The following LARP1B variants were observed in gnomAD, a reference collection of about 807,000 sequenced individuals.
The protein encoded by LARP1B is la-related protein 1B.
A neutral mutation model predicts 114.2 loss-of-function variants in LARP1B; 76 were observed. The observed-to-expected ratio is 0.67, with a 90% CI of 0.55 to 0.81. LARP1B has a LOEUF of 0.81. Ranked by LOEUF, LARP1B falls within the 30% of genes least tolerant of loss-of-function variation. The probability of loss-of-function intolerance (pLI) is 0.00; values close to 1 mark genes in which losing one functional copy is unlikely to be tolerated. For missense variants in LARP1B, 1,014 were observed against 1,075.8 expected, an observed-to-expected ratio of 0.94 and a Z score of 0.80; for synonymous variants, 345 against 348.0, an observed-to-expected ratio of 0.99 and a Z score of 0.10.
intron 7 of LARP1B, 151 bp from the exon 8 acceptor site, chr4:128,098,035 A>C: frequency 1.8e-6 from 1 of 547,310 alleles, no homozygotes. Flanking sequence ...TTATATGTTT[A>C]CCCTATCTGT....
intron 12 of LARP1B, among the ~76,000 whole-genome samples, chr4:128,165,685 C>T (rs1022087884): frequency 6.6e-6 from 1 of 152,054 alleles, no homozygotes; most frequent in African/African-American, 2.4e-5. Flanking sequence ...TCCTCCACAT[C>T]CCAAATCAGC....
Position 128,180,116 on chromosome 4 carries a change from C to CT in LARP1B, c.2003+611dup, listed in dbSNP as rs1249703365. Among the ~76,000 whole-genome samples, 12 of 152,078 alleles carry CT rather than the reference C, an allele frequency of 7.9e-5. No individual in the cohort carries two copies. In the East Asian group the frequency reaches 1.7e-3, roughly 22 times the overall value. On this transcript the variant is annotated intron_variant, in intron 15 of 19. Transcript: ENST00000326639. Reference sequence around the variant, plus strand: ...ATTTATTGCTCGTTGCTTTGTGATGCTTTTTTTAAAATAAAAATAGAGACA... The same window carrying CT: ...ATTTATTGCTCGTTGCTTTGTGATGCTTTTTTTTAAAATAAAAATAGAGACA...
At position 128,176,908 on chromosome 4, in the gene LARP1B, G is replaced by T; in HGVS notation, c.1684+1G>T. 1 of 1,613,682 alleles carries T rather than the reference G, an allele frequency of 6.2e-7. No individual in the cohort carries two copies. Among genetic ancestry groups the T allele is most frequent in the African/African-American group, 1.3e-5 (1 of 75,040 alleles). ...GGAGTGCTTCACATTCCCAAGAAAG[G>T]TAACATCTGTGGTGGGTATTAAAGG... is the stretch of plus-strand genomic sequence containing the variant. On this transcript the variant is annotated splice_donor_variant, in intron 13 of 19. Coordinates refer to ENST00000326639, the MANE Select transcript of LARP1B (RefSeq NM_018078.4). LOFTEE classifies it high-confidence loss of function.
chr4:128,192,808 C>T (rs544234430), intron 15 of LARP1B, among the ~76,000 whole-genome samples: 14 of 151,832 alleles, frequency 9.2e-5, no homozygotes, highest in Admixed American at 3.3e-4. Flanking sequence ...CATTATTTCT[C>T]CCCATTTCTC....
intron 1 of LARP1B, among the ~76,000 whole-genome samples, chr4:128,073,188 C>A (rs1021639349): frequency 6.6e-6 from 1 of 151,776 alleles, no homozygotes; most frequent in Non-Finnish European, 1.5e-5. Flanking sequence ...CCGAGGTGGG[C>A]GGATTACTTG....
chr4:128,183,755 A>C (rs1197341958), intron 15 of LARP1B, among the ~76,000 whole-genome samples: 2 of 152,238 alleles, frequency 1.3e-5, no homozygotes, highest in Admixed American at 6.5e-5. Context: ...AGTAAATTGA[A>C]AACATTCTGG....
intron 11 of LARP1B, chr4:128,155,964 G>A (rs752880460): frequency 4.5e-5 from 69 of 1,533,452 alleles, no homozygotes; most frequent in Non-Finnish European, 5.7e-5. Context: ...CCAGCAGCCC[G>A]CCAGCCCCCT....
intron 12 of LARP1B, among the ~76,000 whole-genome samples, chr4:128,167,001 CACAT>C (rs1278112640): frequency 6.8e-6 from 1 of 147,416 alleles, no homozygotes; most frequent in Non-Finnish European, 1.5e-5. Flanking sequence ...TATACACACA[CACAT>C]ATATATACAT....
At chr4:128,134,965 G>T (rs1792801772) in intron 11 of LARP1B, among the ~76,000 whole-genome samples, 1 of 151,988 alleles carries the variant, frequency 6.6e-6, no homozygotes, top group Non-Finnish European at 1.5e-5. Flanking sequence ...AATTAGGGTT[G>T]GTGGTGCATG....
Position 128,178,035 on chromosome 4 carries a change from G to GATATATATATATAT in LARP1B, c.1685-384_1685-371dup, listed in dbSNP as rs35878913. ...AAAACATGAAAAAAGTTTACAAAGT[G>GATATATATATATAT]ATATATATATATATATATATATATA... On this transcript the variant is annotated intron_variant, in intron 13 of 19. Transcript: ENST00000326639. Among the ~76,000 whole-genome samples, 584 of 137,752 alleles carry GATATATATATATAT rather than the reference G, an allele frequency of 4.2e-3. 4 individuals carry two copies. The highest frequency in any genetic ancestry group is 0.02 in the East Asian group (90 of 4,530). The allele number at this position is 137,752 out of a possible 152,430, so 90.4% of individuals were successfully genotyped here.
At chr4:128,090,759 T>A (rs1340720431) in intron 5 of LARP1B, among the ~76,000 whole-genome samples, 2 of 152,202 alleles carry the variant, frequency 1.3e-5, no homozygotes, top group African/African-American at 4.8e-5. Flanking sequence ...CTTTCTAGTA[T>A]GTTATTTTAC....
chr4:128,118,831 C>T (rs1786895953), intron 10 of LARP1B, among the ~76,000 whole-genome samples: 1 of 147,384 alleles, frequency 6.8e-6, no homozygotes, highest in Middle Eastern at 3.5e-3. Flanking sequence ...TTGATCTAAT[C>T]TGCTCATCTA....
chr4:128,066,165 C>CTTTTTTTTTTTTTTTTT (rs59927866), intron 1 of LARP1B, among the ~76,000 whole-genome samples: 6 of 99,172 alleles, frequency 6.1e-5, no homozygotes, highest in African/African-American at 7.7e-5. Context: ...TTTCTTTCTT[C>CTTTTTTTTTTTTTTTTT]TTTTTTTTTT....
intron 15 of LARP1B, among the ~76,000 whole-genome samples, chr4:128,188,043 C>T (rs1014295671): frequency 6.6e-6 from 1 of 152,000 alleles, no homozygotes; most frequent in Non-Finnish European, 1.5e-5. Context: ...GCCAATTAAA[C>T]CTCTTTCCTC....
At chr4:128,189,697 T>C (rs1397204527) in intron 15 of LARP1B, among the ~76,000 whole-genome samples, 1 of 152,188 alleles carries the variant, frequency 6.6e-6, no homozygotes, top group East Asian at 1.9e-4. Context: ...CTATCATAAG[T>C]CTTTGCTTTG....
chr4:128,110,732 T>A (rs1173818954), intron 9 of LARP1B, among the ~76,000 whole-genome samples: 1 of 147,146 alleles, frequency 6.8e-6, no homozygotes, highest in Non-Finnish European at 1.5e-5. Context: ...GTAAATTAAT[T>A]ATGAGGTTAA....
chr4:128,152,344 C>T (rs1398675872), intron 11 of LARP1B, among the ~76,000 whole-genome samples: 1 of 151,526 alleles, frequency 6.6e-6, no homozygotes, highest in Non-Finnish European at 1.5e-5. Flanking sequence ...GCTTGGACTA[C>T]AGGCGCATAC....
intron 8 of LARP1B, among the ~76,000 whole-genome samples, chr4:128,099,237 A>C (rs947791493): frequency 4.7e-5 from 7 of 149,758 alleles, no homozygotes; most frequent in Non-Finnish European, 1.0e-4. Context: ...TTCTTTCCCT[A>C]CACACAACCC....
chr4:128,101,106 C>T (rs1780177230), intron 8 of LARP1B, among the ~76,000 whole-genome samples: 1 of 151,330 alleles, frequency 6.6e-6, no homozygotes, highest in Non-Finnish European at 1.5e-5. Context: ...GAATGAGCCA[C>T]CGCGCCTGGC....
Sources: allele counts gnomAD v4.1 joint callset (sites outside exome capture counted in the v4.1 genomes callset), GRCh38; gene constraint gnomAD v4.1.1; transcripts MANE v1.5; gene names NCBI Gene and HGNC (gene_info 2026-07-23, HGNC 2026-07-21).